The following MYH10 variants were observed in gnomAD, a reference collection of about 807,000 sequenced individuals.
MYH10 encodes the protein myosin-10.
In MYH10, 55 loss-of-function variants were observed where a neutral mutation model predicts 257.8. The ratio of observed to expected loss-of-function variants is 0.21; its 90% confidence interval spans 0.17 to 0.27. The LOEUF (loss-of-function observed/expected upper bound fraction) is 0.27. Among genes scored for constraint, MYH10 ranks in the 10% least tolerant of loss-of-function variants. MYH10 has a pLI of 1.00. For missense variants in MYH10, 1,631 were observed against 2,500.6 expected, an observed-to-expected ratio of 0.65 and a Z score of 7.42; for synonymous variants, 854 against 921.7, an observed-to-expected ratio of 0.93 and a Z score of 1.33.
intron 7 of MYH10, among the ~76,000 whole-genome samples, chr17:8,554,915 T>G (rs1484215908): frequency 6.6e-6 from 1 of 152,188 alleles, no homozygotes; most frequent in Non-Finnish European, 1.5e-5. Context: ...ATCGCGCCAC[T>G]GCACTCCAGC....
At chr17:8,498,149 AT>A (rs1451199060) in intron 30 of MYH10, among the ~76,000 whole-genome samples, 1 of 151,290 alleles carries the variant, frequency 6.6e-6, no homozygotes, top group Admixed American at 6.6e-5. Context: ...CACCTGGCCA[AT>A]TTTTTTGTAT....
rs899273266 is a variant in MYH10, at chr17:8,552,952, C to G, written c.821-808G>C. 1.3e-5 allele frequency among the ~76,000 whole-genome samples: 2 copies of G among 152,200 alleles called. No homozygotes were observed. The highest frequency in any genetic ancestry group is 2.9e-5 in the Non-Finnish European group (2 of 68,046). ...CTCAGATCCACAGTTCTTGATGCTC[C>G]CGGAGTTCCTATGGGTTGACAGTCA... On this transcript the variant is annotated intron_variant, in intron 8 of 42. Coordinates refer to ENST00000360416, the MANE Select transcript of MYH10 (RefSeq NM_001256012.3). This position sits in a 1 kb window ranked among gnomAD's most constrained non-coding sequence, Gnocchi z 4.8.
chr17:8,492,779 G>A lies in MYH10; in HGVS notation c.4455C>T (p.Asp1485=). 2 of 1,613,440 alleles carry A rather than the reference G, an allele frequency of 1.2e-6. No individual in the cohort carries two copies. The highest frequency in any genetic ancestry group is 1.7e-6 in the Non-Finnish European group (2 of 1,179,986). Residue 1485 remains aspartate (D), a synonymous_variant, in exon 33 of 43, where the codon GAC becomes GAT. Transcript: ENST00000360416. ...SNLEKKQKKF[D]QLLAEEKSIS... Reference sequence around the variant, plus strand: ...AAACGACACGTGGCCGACCCACCTGGTCAAACTTCTTCTGCTTCTTCTCCA... The same window carrying A: ...AAACGACACGTGGCCGACCCACCTGATCAAACTTCTTCTGCTTCTTCTCCA...
chr17:8,490,363 TCTC>T lies in MYH10; in HGVS notation c.4858_4860del (p.Glu1620del). 6.2e-7 allele frequency: 1 copy of T among 1,614,010 alleles called. No individual in the cohort carries two copies. Among genetic ancestry groups the T allele is most frequent in the Non-Finnish European group, 8.5e-7 (1 of 1,180,020 alleles). On this transcript the variant is annotated inframe_deletion, in exon 35 of 43. Coordinates refer to ENST00000360416, the MANE Select transcript of MYH10 (RefSeq NM_001256012.3). This position sits in a 1 kb window ranked among gnomAD's most constrained non-coding sequence, Gnocchi z 4.1. ...ACCTGTTTGATCAGCAGCCGCTTCT[TCTC>T]TTCATTCTGCTCATCCCTGGTTTGC...
chr17:8,569,464 AC>A lies in MYH10; in HGVS notation c.756+255del, dbSNP rs540645944. On this transcript the variant is annotated intron_variant, in intron 7 of 42. Coordinates refer to ENST00000360416, the MANE Select transcript of MYH10 (RefSeq NM_001256012.3). This position sits in a 1 kb window ranked among gnomAD's most constrained non-coding sequence, Gnocchi z 4.1. ...TAAATAAGCTCAGAGAGGTTAAATT[AC>A]ATATCCATAAAATAAGACAGAGTTA... Among the ~76,000 whole-genome samples, 203 of 152,334 alleles carry A rather than the reference AC, an allele frequency of 1.3e-3. No homozygotes were observed. Among genetic ancestry groups the A allele is most frequent in the Middle Eastern group, 6.8e-3 (2 of 294 alleles).
At chr17:8,478,656 T>C (rs878863552) in intron 40 of MYH10, among the ~76,000 whole-genome samples, 1 of 152,344 alleles carries the variant, frequency 6.6e-6, no homozygotes, top group East Asian at 1.9e-4. Flanking sequence ...TAGTGACAGG[T>C]AGAATAAGTG....
In MYH10 at chr17:8,477,153, G is replaced by A; in HGVS notation, c.5707-105C>T. On this transcript the variant is annotated intron_variant, in intron 41 of 42. Coordinates refer to ENST00000360416, the MANE Select transcript of MYH10 (RefSeq NM_001256012.3). The surrounding 1 kb of genome is among the most constrained non-coding windows in gnomAD (Gnocchi z 4.2). ...GTGGGGCTCTGCCTGTTACCCTTGT[G>A]AGCACGCGTGTACACGGATGTACAC... The A allele has an allele frequency of 7.6e-7, 1 of 1,314,312 alleles. No homozygotes were observed. 81.4% of individuals were successfully genotyped at this position (1,314,312 alleles called of 1,614,324 possible).
chr17:8,601,626 C>A (rs1388793958), intron 3 of MYH10, among the ~76,000 whole-genome samples: 1 of 152,196 alleles, frequency 6.6e-6, no homozygotes, highest in African/African-American at 2.4e-5. Flanking sequence ...GTCTTCAAAT[C>A]TACTGCTCTA....
intron 7 of MYH10, chr17:8,560,540 A>C: frequency 1.5e-6 from 1 of 674,690 alleles, no homozygotes; most frequent in South Asian, 1.3e-5. Flanking sequence ...AGCTCCTTCG[A>C]GCTGTTTGCC....
chr17:8,587,706 T>A (rs539945367), intron 4 of MYH10, among the ~76,000 whole-genome samples: 1 of 152,248 alleles, frequency 6.6e-6, no homozygotes, highest in South Asian at 2.1e-4. Context: ...CAAAATGTTA[T>A]CTTCCTCTCA....
intron 28 of MYH10, among the ~76,000 whole-genome samples, chr17:8,503,721 C>T (rs1284934773): frequency 6.6e-6 from 1 of 152,214 alleles, no homozygotes; most frequent in African/African-American, 2.4e-5. Flanking sequence ...TCTGGCCACA[C>T]TTGCATTCAT....
intron 12 of MYH10, among the ~76,000 whole-genome samples, chr17:8,546,047 A>G (rs1347573689): frequency 6.6e-6 from 1 of 152,042 alleles, no homozygotes; most frequent in Admixed American, 6.6e-5. Flanking sequence ...TTTTTAAAAA[A>G]TCACCTTTAA....
In MYH10 at chr17:8,505,016, T is replaced by C. The variant is rs118088481; in HGVS notation, c.3387-110A>G. 2,752 of 862,852 alleles carry C rather than the reference T, an allele frequency of 3.2e-3. 14 individuals are homozygous for C. Among genetic ancestry groups the C allele is most frequent in the Non-Finnish European group, 4.3e-3 (2,276 of 531,012 alleles). The allele number at this position is 862,852 out of a possible 1,614,324, so 53.4% of individuals were successfully genotyped here. A position where few individuals can be genotyped will look rare whatever the true frequency, so the allele number is the denominator to read the frequency against. On this transcript the variant is annotated intron_variant, in intron 27 of 42. Transcript: ENST00000360416. The stretch of plus-strand genomic sequence containing the variant: ...CTCTCCACGAGACCCCAGCCCCACA[T>C]CCCTCCTCCTGGGGCCTGAGGCTGG...
intron 40 of MYH10, among the ~76,000 whole-genome samples, chr17:8,479,902 C>G (rs1913389632): frequency 1.3e-5 from 2 of 152,230 alleles, no homozygotes; most frequent in Non-Finnish European, 1.5e-5. Flanking sequence ...CCAGCCTTCC[C>G]TGACTGTTCA....
At chr17:8,546,001 T>C (rs1485614903) in intron 12 of MYH10, among the ~76,000 whole-genome samples, 4 of 152,114 alleles carry the variant, frequency 2.6e-5, no homozygotes, top group Non-Finnish European at 2.9e-5. Context: ...TCTATCTACC[T>C]GGGGAAAACT....
At chr17:8,614,898 A>T (rs2085197685) in intron 2 of MYH10, among the ~76,000 whole-genome samples, 1 of 152,216 alleles carries the variant, frequency 6.6e-6, no homozygotes. Context: ...AGAAAACATG[A>T]CTATTAATCC....
chr17:8,514,744 C>T (rs541090620), intron 21 of MYH10, among the ~76,000 whole-genome samples: 25 of 152,216 alleles, frequency 1.6e-4, no homozygotes, highest in African/African-American at 5.8e-4. Flanking sequence ...CACAGGCAAA[C>T]GTTCCTATTA....
At position 8,569,650 on chromosome 17, in the gene MYH10, T is replaced by C; in HGVS notation, c.756+70A>G. The C allele has an allele frequency of 9.4e-7, 1 of 1,062,360 alleles. No individual in the cohort carries two copies. Among genetic ancestry groups the C allele is most frequent in the Non-Finnish European group, 1.4e-6 (1 of 739,512 alleles). 65.8% of individuals were successfully genotyped at this position (1,062,360 alleles called of 1,614,324 possible). On this transcript the variant is annotated intron_variant, in intron 7 of 42. Transcript: ENST00000360416. This position sits in a 1 kb window ranked among gnomAD's most constrained non-coding sequence, Gnocchi z 4.1. ...AAATCTAGGAAGAAAAGTAATTCAT[T>C]TGCTTAATCACAGTAAACATTTAAC... is the stretch of plus-strand genomic sequence containing the variant.
intron 2 of MYH10, among the ~76,000 whole-genome samples, chr17:8,611,587 AAAC>A (rs2085040762): frequency 1.3e-5 from 2 of 152,228 alleles, no homozygotes; most frequent in Admixed American, 1.3e-4. Flanking sequence ...AAACAAAACA[AAAC>A]AAAAAAAGAA....
Sources: allele counts gnomAD v4.1 joint callset (sites outside exome capture counted in the v4.1 genomes callset), GRCh38; gene constraint gnomAD v4.1.1; non-coding constraint Gnocchi (gnomAD v3.1); transcripts MANE v1.5; gene names NCBI Gene and HGNC (gene_info 2026-07-23, HGNC 2026-07-21).